The following CDH6 variants were observed in gnomAD, a reference collection of about 807,000 sequenced individuals.
CDH6 encodes the protein cadherin 6, also known as cadherin-6.
Under a neutral mutation model 78.0 loss-of-function variants are expected in CDH6, and 31 were observed. The observed-to-expected ratio is 0.40, with a 90% CI of 0.30 to 0.54. CDH6 has a LOEUF of 0.54. CDH6 is among the 20% of genes least tolerant of loss of function. The probability of loss-of-function intolerance (pLI) is 0.56; values close to 1 mark genes in which losing one functional copy is unlikely to be tolerated. For missense variants in CDH6, 724 were observed against 975.9 expected (o/e 0.74, Z 3.44); for synonymous variants, 376 against 368.8 (o/e 1.02, Z -0.23).
Position 31,305,384 on chromosome 5 carries a change from T to A in CDH6, c.1210T>A (p.Ser404Thr). 6.2e-7 allele frequency: 1 copy of A among 1,614,086 alleles called. No homozygotes were observed. The highest frequency in any genetic ancestry group is 8.5e-7 in the Non-Finnish European group (1 of 1,179,966). The change falls in exon 7 of 12, where the codon TCC becomes ACC. Residue 404 changes from serine to threonine, a missense_variant. By Grantham distance (58) the Ser-to-Thr change is moderately conservative. Coordinates refer to ENST00000265071, the MANE Select transcript of CDH6 (RefSeq NM_004932.4). ...EDAQINTTIG[S>T]VTAQDPDAAR... is the part of the protein sequence containing the mutation. ...TGCTCAGATAAACACCACAATAGGC[T>A]CCGTCACAGCCCAAGATCCAGATGC...
chr5:31,278,122 T>C (rs968837914), intron 2 of CDH6, among the ~76,000 whole-genome samples: 1 of 152,212 alleles, frequency 6.6e-6, no homozygotes, highest in Non-Finnish European at 1.5e-5. Flanking sequence ...TGCCTCCCAA[T>C]TGATTGATGC....
At chr5:31,296,310 C>A (rs1737598164) in intron 3 of CDH6, among the ~76,000 whole-genome samples, 1 of 152,060 alleles carries the variant, frequency 6.6e-6, no homozygotes, top group Non-Finnish European at 1.5e-5. Flanking sequence ...CTTTGAGGAT[C>A]ATATAAAATC....
intron 2 of CDH6, among the ~76,000 whole-genome samples, chr5:31,272,715 T>C (rs1048512891): frequency 6.6e-6 from 1 of 152,210 alleles, no homozygotes; most frequent in Non-Finnish European, 1.5e-5. Context: ...CAATGTTCTT[T>C]AACCCCTCCT....
In CDH6 at chr5:31,213,741, A is replaced by G. The variant is rs945775551; in HGVS notation, c.-129+19855A>G. Among the ~76,000 whole-genome samples, 25 of 152,152 alleles carry G rather than the reference A, an allele frequency of 1.6e-4. 1 individual carries two copies. The highest frequency in any genetic ancestry group is 1.4e-3 in the Admixed American group (22 of 15,266). On this transcript the variant is annotated intron_variant, in intron 1 of 11. Coordinates refer to ENST00000265071, the MANE Select transcript of CDH6 (RefSeq NM_004932.4). ...TTGGTTAAAAATTGCTTTTAAAGCT[A>G]TCAGCCGAATAGCACATTGCCCTCT... is the stretch of plus-strand genomic sequence containing the variant.
chr5:31,197,256 T>G (rs931994171), intron 1 of CDH6, among the ~76,000 whole-genome samples: 1 of 152,196 alleles, frequency 6.6e-6, no homozygotes, highest in Non-Finnish European at 1.5e-5. Flanking sequence ...TTCTGTAGGG[T>G]GAATCAGCCT....
At chr5:31,224,804 A>G (rs980481381) in intron 1 of CDH6, among the ~76,000 whole-genome samples, 4 of 152,192 alleles carry the variant, frequency 2.6e-5, no homozygotes, top group African/African-American at 9.6e-5. Context: ...TCAGCGTCCC[A>G]AAGTGCTGGG....
At chr5:31,283,571 C>G (rs1317961023) in intron 2 of CDH6, among the ~76,000 whole-genome samples, 1 of 152,148 alleles carries the variant, frequency 6.6e-6, no homozygotes, top group African/African-American at 2.4e-5. Context: ...TAACAAATGT[C>G]TGCTATTATC....
chr5:31,201,650 A>C (rs1474489785), intron 1 of CDH6, among the ~76,000 whole-genome samples: 2 of 152,204 alleles, frequency 1.3e-5, no homozygotes, highest in Admixed American at 1.3e-4. Context: ...CCCTTTAAAA[A>C]ATAAAACTGT....
Position 31,327,977 on chromosome 5 carries a change from C to A in CDH6, c.*4669C>A. 4.7e-6 allele frequency: 1 copy of A among 213,468 alleles called. No homozygotes were observed. The highest frequency in any genetic ancestry group is 9.5e-6 in the Non-Finnish European group (1 of 105,690). 13.2% of individuals were successfully genotyped at this position (213,468 alleles called of 1,614,324 possible). On this transcript the variant is annotated 3_prime_UTR_variant, in exon 12 of 12. Coordinates refer to ENST00000265071, the MANE Select transcript of CDH6 (RefSeq NM_004932.4). The stretch of plus-strand genomic sequence containing the variant: ...TAATCTACTCCCCTTTTTGTAATAC[C>A]TTATTTATGGTGCATTTTCATTTTT...
At chr5:31,302,834 AAGAAAGAAAGAAAGAAAG>A (rs1561066145) in intron 6 of CDH6, among the ~76,000 whole-genome samples, 2 of 146,386 alleles carry the variant, frequency 1.4e-5, no homozygotes, top group African/African-American at 5.0e-5. Flanking sequence ...GAAAGAAAGA[AAGAAAGAAAGAAAGAAAG>A]AGAAAGAAAG....
chr5:31,295,597 G>T (rs367838122), intron 3 of CDH6, among the ~76,000 whole-genome samples: 1 of 152,096 alleles, frequency 6.6e-6, no homozygotes. Flanking sequence ...ATCCTTAATT[G>T]ATATCTCATT....
At chr5:31,300,236 T>G (rs1346455476) in intron 5 of CDH6, among the ~76,000 whole-genome samples, 1 of 151,952 alleles carries the variant, frequency 6.6e-6, no homozygotes, top group Non-Finnish European at 1.5e-5. Context: ...GTATCAGGAG[T>G]ATGCTAAAAA....
intron 1 of CDH6, among the ~76,000 whole-genome samples, chr5:31,212,370 G>A (rs950685544): frequency 2.0e-5 from 3 of 152,056 alleles, no homozygotes; most frequent in African/African-American, 7.2e-5. Flanking sequence ...TCATTAATTG[G>A]AATGAGCCAT....
chr5:31,302,924 A>AAAG (rs1273339077), intron 6 of CDH6, among the ~76,000 whole-genome samples: 2 of 125,892 alleles, frequency 1.6e-5, no homozygotes, highest in Non-Finnish European at 3.6e-5. Flanking sequence ...AGAAAGAAAG[A>AAAG]AAGAAAGAAA....
Position 31,289,665 on chromosome 5 carries a change from C to T in CDH6, c.229-4297C>T, listed in dbSNP as rs527512429. ...TGGACTGTTTTCTGTCTTAACAATGCATATGCTGCGGAGATTGCATTTGGT... is the reference window on the plus strand; with the variant it reads ...TGGACTGTTTTCTGTCTTAACAATGTATATGCTGCGGAGATTGCATTTGGT... On this transcript the variant is annotated intron_variant, in intron 2 of 11. Transcript: ENST00000265071. Among the ~76,000 whole-genome samples, 7 of 152,364 alleles carry T rather than the reference C, an allele frequency of 4.6e-5. No individual in the cohort carries two copies. The South Asian group carries it at 1.4e-3, about 32-fold the overall frequency.
intron 1 of CDH6, among the ~76,000 whole-genome samples, chr5:31,214,904 G>A (rs544929166): frequency 6.6e-5 from 10 of 152,178 alleles, no homozygotes; most frequent in South Asian, 2.1e-4. Flanking sequence ...TGAGTGATTC[G>A]ATTTTACTGT....
At chr5:31,318,162 C>G (rs930725678) in intron 11 of CDH6, 4 of 606,662 alleles carry the variant, frequency 6.6e-6, no homozygotes, top group Admixed American at 2.7e-5. Context: ...AGCAAAGAAT[C>G]TCTTGTCTAT....
At chr5:31,322,703 T>G in intron 11 of CDH6, 115 bp from the exon 12 acceptor site, 1 of 1,245,866 alleles carries the variant, frequency 8.0e-7, no homozygotes, top group Non-Finnish European at 1.1e-6. Context: ...AAGTTGAGTC[T>G]GCATTTTCTA....
Position 31,323,354 on chromosome 5 carries a change from G to A in CDH6, c.*46G>A. The A allele has an allele frequency of 6.4e-7, 1 of 1,571,632 alleles. No homozygotes were observed. The highest frequency in any genetic ancestry group is 8.7e-7 in the Non-Finnish European group (1 of 1,155,960). On this transcript the variant is annotated 3_prime_UTR_variant, in exon 12 of 12. Coordinates refer to ENST00000265071, the MANE Select transcript of CDH6 (RefSeq NM_004932.4). The stretch of plus-strand genomic sequence containing the variant: ...CCAATACGACACTGAAATATGTGAA[G>A]TGGCTATTTCTTTATATTTATCCAC...
Sources: gnomAD v4.1 joint callset for allele counts (sites outside exome capture counted in the v4.1 genomes callset) on GRCh38, gnomAD v4.1.1 for gene constraint, MANE v1.5 for transcripts, NCBI Gene and HGNC (gene_info 2026-07-23, HGNC 2026-07-21) for gene names.